ZNF605: variants seen among roughly 807,000 people sequenced by gnomAD.
ZNF605 encodes the protein zinc finger protein 605.
In ZNF605, 9 loss-of-function variants were observed where a neutral mutation model predicts 7.9. The ratio of observed to expected loss-of-function variants is 1.14; its 90% CI spans 0.68 to 1.98. The LOEUF (loss-of-function observed/expected upper bound fraction) is 1.98. ZNF605 is among the 30% of genes most tolerant of loss of function. ZNF605 has a pLI of 0.00. For synonymous variants in ZNF605, 255 were observed against 260.1 expected, an observed-to-expected ratio of 0.98 and a Z score of 0.19; for missense variants, 673 against 762.4, an observed-to-expected ratio of 0.88 and a Z score of 1.38.
intron 3 of ZNF605, among the ~76,000 whole-genome samples, chr12:132,939,212 G>A (rs1242718800): frequency 7.9e-5 from 12 of 152,316 alleles, no homozygotes; most frequent in South Asian, 2.1e-4. Context: ...AGCCAGCTGG[G>A]CTCCTGAGTC....
At chr12:132,949,341 C>T (rs1487757624) in intron 1 of ZNF605, among the ~76,000 whole-genome samples, 1 of 152,186 alleles carries the variant, frequency 6.6e-6, no homozygotes, top group Non-Finnish European at 1.5e-5. Flanking sequence ...GTATGATGGG[C>T]GCACTGCCTC....
chr12:132,950,025 G>A (rs1442438911), intron 1 of ZNF605, among the ~76,000 whole-genome samples: 2 of 151,934 alleles, frequency 1.3e-5, no homozygotes, highest in Non-Finnish European at 1.5e-5. Flanking sequence ...ACGCCTGGGA[G>A]CTCCTTCAGG....
chr12:132,933,963 C>A lies in ZNF605; in HGVS notation c.16-808G>T, dbSNP rs913170963. Among the ~76,000 whole-genome samples, 39 of 152,332 alleles carry A rather than the reference C, an allele frequency of 2.6e-4. No homozygotes were observed. Among genetic ancestry groups the A allele is most frequent in the African/African-American group, 8.2e-4 (34 of 41,578 alleles). On this transcript the variant is annotated intron_variant, in intron 3 of 4. Coordinates refer to ENST00000360187, the MANE Select transcript of ZNF605 (RefSeq NM_183238.4). The surrounding 1 kb of genome is among the most constrained non-coding windows in gnomAD (Gnocchi z 4.4). ...CTCTGTCTGCTAATGACAGTAATAT[C>A]TCTCAGTCACTGGCTGGGCACGGTG...
At chr12:132,932,527 ATCCC>A (rs1952317932) in intron 4 of ZNF605, among the ~76,000 whole-genome samples, 1 of 152,186 alleles carries the variant, frequency 6.6e-6, no homozygotes, top group Non-Finnish European at 1.5e-5. Context: ...GAAAAGACAC[ATCCC>A]GATGTGGAGA....
chr12:132,952,187 T>A (rs1209281622), intron 1 of ZNF605, among the ~76,000 whole-genome samples: 2 of 151,972 alleles, frequency 1.3e-5, no homozygotes, highest in African/African-American at 2.4e-5. Context: ...CCAGGCGCGG[T>A]GGCTCACGCC....
intron 1 of ZNF605, among the ~76,000 whole-genome samples, chr12:132,950,245 T>C (rs1314539099): frequency 6.6e-6 from 1 of 152,080 alleles, no homozygotes; most frequent in Non-Finnish European, 1.5e-5. Flanking sequence ...AAAGGGAACA[T>C]CTTGTCGTCC....
chr12:132,930,099 T>C (rs1426007937), intron 4 of ZNF605, among the ~76,000 whole-genome samples: 1 of 152,216 alleles, frequency 6.6e-6, no homozygotes, highest in East Asian at 1.9e-4. Context: ...GGTAGGGTCA[T>C]ACCTCACTGC....
rs1316203203 is a variant in ZNF605, at chr12:132,922,522, G to A, written c.*2851C>T. On this transcript the variant is annotated 3_prime_UTR_variant, in exon 5 of 5. Coordinates refer to ENST00000360187, the MANE Select transcript of ZNF605 (RefSeq NM_183238.4). ...GGAATCTTGAGACATTTCAGCCTAT[G>A]CACTATGCGGCACTTGTACTGATAA... The A allele has an allele frequency of 6.6e-6, 1 of 152,216 alleles. No individual in the cohort carries two copies. The highest frequency in any genetic ancestry group is 2.4e-5 in the African/African-American group (1 of 41,452). 9.4% of individuals were successfully genotyped at this position (152,216 alleles called of 1,614,324 possible). A position where few individuals can be genotyped will look rare whatever the true frequency, so the allele number is the denominator to read the frequency against.
chr12:132,947,732 G>A (rs1012345273), intron 2 of ZNF605, among the ~76,000 whole-genome samples: 20 of 151,854 alleles, frequency 1.3e-4, no homozygotes, highest in Non-Finnish European at 2.6e-4. Context: ...AAATAATCAG[G>A]TAACTAAGTA....
chr12:132,928,208 TAATAGA>T (rs1952268109), intron 4 of ZNF605, among the ~76,000 whole-genome samples: 1 of 152,208 alleles, frequency 6.6e-6, no homozygotes, highest in African/African-American at 2.4e-5. Context: ...TTGAATGGTA[TAATAGA>T]AAAAGTAAGG....
chr12:132,943,850 T>C (rs1952471374), intron 3 of ZNF605, among the ~76,000 whole-genome samples: 1 of 152,064 alleles, frequency 6.6e-6, no homozygotes, highest in Non-Finnish European at 1.5e-5. Context: ...CGAGGGAAAA[T>C]GAGGCTGGAG....
chr12:132,945,283 A>T, intron 3 of ZNF605: 5 of 831,264 alleles, frequency 6.0e-6, no homozygotes, highest in African/African-American at 1.7e-5. Context: ...GTATGTTTCT[A>T]TAATCTACTT....
At position 132,924,526 on chromosome 12, in the gene ZNF605, G is replaced by A. The variant is rs2137121994; in HGVS notation, c.*847C>T. The A allele has an allele frequency of 6.6e-6, 1 of 152,378 alleles. No individual in the cohort carries two copies. Among genetic ancestry groups the A allele is most frequent in the South Asian group, 2.1e-4 (1 of 4,826 alleles). 9.4% of individuals were successfully genotyped at this position (152,378 alleles called of 1,614,324 possible). Reference sequence around the variant, plus strand: ...CCCATCTCTCCAGTACTTTCCCCTGGAAATTCTAGCTGCTGTGGCCTCCCC... The same window carrying A: ...CCCATCTCTCCAGTACTTTCCCCTGAAAATTCTAGCTGCTGTGGCCTCCCC... On this transcript the variant is annotated 3_prime_UTR_variant, in exon 5 of 5. Coordinates refer to ENST00000360187, the MANE Select transcript of ZNF605 (RefSeq NM_183238.4).
chr12:132,952,450 CAA>C (rs76640666), intron 1 of ZNF605, among the ~76,000 whole-genome samples: 91 of 88,924 alleles, frequency 1.0e-3, no homozygotes, highest in African/African-American at 1.4e-3. Flanking sequence ...GACTCTGTCT[CAA>C]AAAAAAAAAA....
At chr12:132,940,474 G>A (rs897593576) in intron 3 of ZNF605, among the ~76,000 whole-genome samples, 37 of 152,152 alleles carry the variant, frequency 2.4e-4, no homozygotes, top group Non-Finnish European at 4.6e-4. Flanking sequence ...TACAGCCAAC[G>A]TACTGTGGAT....
rs115629594 is a variant in ZNF605, at chr12:132,941,981, T to C, written c.15+3640A>G. ...AATAGACGGGAGATATGTAAACCTA[T>C]TTTTAAACCTTTTAAAAGTTCAGGA... On this transcript the variant is annotated intron_variant, in intron 3 of 4. Coordinates refer to ENST00000360187, the MANE Select transcript of ZNF605 (RefSeq NM_183238.4). The surrounding 1 kb of genome is among the most constrained non-coding windows in gnomAD (Gnocchi z 5.1). 0.037 allele frequency among the ~76,000 whole-genome samples: 5,685 copies of C among 152,326 alleles called. 363 individuals are homozygous for C. Among genetic ancestry groups the C allele is most frequent in the African/African-American group, 0.13 (5,349 of 41,540 alleles).
chr12:132,926,603 T>C lies in ZNF605; in HGVS notation c.696A>G (p.Lys232=). ...EKPHGCSECQ[K]AFSRKSLLIL... ...TGAGGAGTGACTTCCTACTAAAAGCTTTCTGACATTCGCTGCACCCATGCG... is the reference window on the plus strand; with the variant it reads ...TGAGGAGTGACTTCCTACTAAAAGCCTTCTGACATTCGCTGCACCCATGCG... Residue 232 remains lysine (K), a synonymous_variant, in exon 5 of 5, where the codon AAA becomes AAG. Coordinates refer to ENST00000360187, the MANE Select transcript of ZNF605 (RefSeq NM_183238.4). The C allele has an allele frequency of 5.0e-6, 8 of 1,614,214 alleles. No homozygotes were observed. Among genetic ancestry groups the C allele is most frequent in the Non-Finnish European group, 5.1e-6 (6 of 1,180,030 alleles).
chr12:132,925,464 G>A lies in ZNF605; in HGVS notation c.1835C>T (p.Thr612Ile), dbSNP rs150913957. 6.3e-5 allele frequency: 101 copies of A among 1,614,118 alleles called. No homozygotes were observed. In the African/African-American group the frequency reaches 1.3e-3, roughly 20 times the overall value. ...ATTGCATCCATAGTATTTATCTCCT[G>A]TATGAATCCTCTGATGCCTCATAAG... Reference protein sequence around the residue: ...SHLMRHQRIHTGDKYYGCNEC... With the variant: ...SHLMRHQRIHIGDKYYGCNEC... The change falls in exon 5 of 5, where the codon ACA becomes ATA. Residue 612 changes from threonine to isoleucine, a missense_variant. Thr to Ile is a moderately conservative substitution (Grantham distance 89). Transcript: ENST00000360187.
At chr12:132,932,583 C>G in intron 4 of ZNF605, 1 of 608,156 alleles carries the variant, frequency 1.6e-6, no homozygotes, top group Non-Finnish European at 2.8e-6. Flanking sequence ...TGTCACCAAT[C>G]TTGAGTCAAC....
Sources: allele counts gnomAD v4.1 joint callset (sites outside exome capture counted in the v4.1 genomes callset), GRCh38; gene constraint gnomAD v4.1.1; non-coding constraint Gnocchi (gnomAD v3.1); transcripts MANE v1.5; gene names NCBI Gene and HGNC (gene_info 2026-07-23, HGNC 2026-07-21).